The following CMIP variants were observed in gnomAD, a reference collection of about 807,000 sequenced individuals.
CMIP encodes the protein C-Maf-inducing protein.
CMIP carries 13 observed loss-of-function variants against 97.3 expected under a neutral mutation model. The observed-to-expected ratio is 0.13, with a 90% CI of 0.09 to 0.21. The LOEUF is 0.21. Ranked by LOEUF, CMIP falls within the 10% of genes least tolerant of loss-of-function variation. The probability of loss-of-function intolerance (pLI) is 1.00; values close to 1 mark genes in which losing one functional copy is unlikely to be tolerated. For synonymous variants in CMIP, 538 were observed against 436.3 expected, an observed-to-expected ratio of 1.23 and a Z score of -2.91; for missense variants, 847 against 1,024.9, an observed-to-expected ratio of 0.83 and a Z score of 2.37.
intron 6 of CMIP, among the ~76,000 whole-genome samples, chr16:81,663,472 T>C (rs939691403): frequency 2.7e-5 from 4 of 150,920 alleles, no homozygotes; most frequent in African/African-American, 7.3e-5. Flanking sequence ...TTGCCAGGGG[T>C]TGGGGAGAGG....
Position 81,512,318 on chromosome 16 carries a change from G to A in CMIP, c.300+66777G>A, listed in dbSNP as rs117206028. ...CTTGGTGGGGGTCTTTCTTGCTGTG[G>A]TTGATGGGCAGGTTCTGGTGCTGGC... is the stretch of plus-strand genomic sequence containing the variant. On this transcript the variant is annotated intron_variant, in intron 1 of 20. Transcript: ENST00000537098. Among the ~76,000 whole-genome samples, 59 of 152,228 alleles carry A rather than the reference G, an allele frequency of 3.9e-4. 1 individual carries two copies. The East Asian group carries it at 0.011, about 29-fold the overall frequency.
At chr16:81,528,263 G>C (rs534947488) in intron 1 of CMIP, among the ~76,000 whole-genome samples, 1 of 152,232 alleles carries the variant, frequency 6.6e-6, no homozygotes, top group East Asian at 1.9e-4. Context: ...CGCTTGTCTG[G>C]TCTTGGAGTG....
Position 81,472,072 on chromosome 16 carries a change from G to C in CMIP, c.300+26531G>C, listed in dbSNP as rs146995489. ...CATATGCACTCAATGTATATGCCGT[G>C]TACACACACACTCACGCACATGCAC... On this transcript the variant is annotated intron_variant, in intron 1 of 20. Transcript: ENST00000537098. Among the ~76,000 whole-genome samples the C allele has an allele frequency of 1.8e-3, 275 of 152,226 alleles. 1 individual carries two copies. The highest frequency in any genetic ancestry group is 6.1e-3 in the African/African-American group (255 of 41,510).
intron 1 of CMIP, among the ~76,000 whole-genome samples, chr16:81,535,657 C>A (rs756062494): frequency 6.6e-6 from 1 of 151,994 alleles, no homozygotes; most frequent in Non-Finnish European, 1.5e-5. Context: ...TTGATGTTGA[C>A]TTTTTGTAAG....
intron 1 of CMIP, among the ~76,000 whole-genome samples, chr16:81,584,139 T>C (rs1006855586): frequency 2.0e-5 from 3 of 152,020 alleles, no homozygotes; most frequent in Non-Finnish European, 4.4e-5. Context: ...TAGGCGTGGT[T>C]GCCACAAGCC....
At chr16:81,648,701 T>G (rs1188448310) in intron 3 of CMIP, among the ~76,000 whole-genome samples, 1 of 143,524 alleles carries the variant, frequency 7.0e-6, no homozygotes, top group Non-Finnish European at 1.5e-5. Context: ...GAGAATCACT[T>G]GAACCTGGGA....
Position 81,445,357 on chromosome 16 carries a change from C to T in CMIP, c.116C>T (p.Pro39Leu), listed in dbSNP as rs369568953. Residue 39 changes from proline to leucine, a missense_variant, in exon 1 of 21, where the codon CCC (proline) becomes CTC (leucine). Pro to Leu is a moderately conservative substitution (Grantham distance 98). This residue lies in a region of CMIP where 94 missense variants were observed against 79.9 expected (regional missense o/e 1.18). Coordinates refer to ENST00000537098, the MANE Select transcript of CMIP (RefSeq NM_198390.3). ...GAAGGCACGAAGATGGGCGCCGTGCCCTGCCGCCGGGCTCTTCTGCTTTGC... is the reference window on the plus strand; with the variant it reads ...GAAGGCACGAAGATGGGCGCCGTGCTCTGCCGCCGGGCTCTTCTGCTTTGC... ...APEGTKMGAVPCRRALLLCNG... is the reference protein window; with the variant it reads ...APEGTKMGAVLCRRALLLCNG... 6.2e-7 allele frequency: 1 copy of T among 1,602,128 alleles called. No homozygotes were observed. Among genetic ancestry groups the T allele is most frequent in the African/African-American group, 1.3e-5 (1 of 74,742 alleles).
chr16:81,660,372 A>T (rs1005483088), intron 5 of CMIP, among the ~76,000 whole-genome samples: 1 of 151,712 alleles, frequency 6.6e-6, no homozygotes, highest in South Asian at 2.1e-4. Context: ...TCCTAAGTTC[A>T]AGTGATTCTC....
rs531754646 is a variant in CMIP, at chr16:81,614,943, G to C, written c.427-5933G>C. On this transcript the variant is annotated intron_variant, in intron 2 of 20. Transcript: ENST00000537098. This position sits in a 1 kb window ranked among gnomAD's most constrained non-coding sequence, Gnocchi z 5.3. ...CATAGTGTGTATCTCTGTGTGTGGT[G>C]TGTGCATGTGTGTGGTGTGTTGTGT... 6.6e-6 allele frequency among the ~76,000 whole-genome samples: 1 copy of C among 151,598 alleles called. No homozygotes were observed. The highest frequency in any genetic ancestry group is 1.5e-5 in the Non-Finnish European group (1 of 67,870).
At chr16:81,699,927 C>A in intron 15 of CMIP, 126 bp downstream of exon 15, 1 of 634,292 alleles carries the variant, frequency 1.6e-6, no homozygotes, top group East Asian at 2.8e-5. Context: ...GGCGTGCAGT[C>A]CCAGCCGTCC....
chr16:81,659,387 C>G (rs1340919703), intron 5 of CMIP, among the ~76,000 whole-genome samples: 1 of 151,930 alleles, frequency 6.6e-6, no homozygotes, highest in Non-Finnish European at 1.5e-5. Context: ...AGGATAGGTA[C>G]TTAACCTCTG....
intron 1 of CMIP, among the ~76,000 whole-genome samples, chr16:81,502,311 A>G (rs2089627982): frequency 6.6e-6 from 1 of 152,234 alleles, no homozygotes; most frequent in Admixed American, 6.5e-5. Flanking sequence ...TTGTAGTCCT[A>G]GTAAAGTGAT....
At chr16:81,458,353 G>A (rs1274125140) in intron 1 of CMIP, among the ~76,000 whole-genome samples, 1 of 152,172 alleles carries the variant, frequency 6.6e-6, no homozygotes, top group Non-Finnish European at 1.5e-5. Context: ...AGGGGGGTAG[G>A]GGTCAGGGAG....
intron 1 of CMIP, among the ~76,000 whole-genome samples, chr16:81,481,880 C>CTTTTT (rs768919033): frequency 1.5e-5 from 2 of 136,602 alleles, no homozygotes; most frequent in African/African-American, 5.5e-5. Flanking sequence ...CCGCCTCCCT[C>CTTTTT]TTTTTTTTTT....
chr16:81,704,883 G>A (rs555725985), intron 18 of CMIP, among the ~76,000 whole-genome samples: 1 of 151,708 alleles, frequency 6.6e-6, no homozygotes, highest in South Asian at 2.1e-4. Flanking sequence ...AATGTGCCCA[G>A]TTCCGAGTCC....
At chr16:81,522,995 C>T (rs1407937062) in intron 1 of CMIP, among the ~76,000 whole-genome samples, 4 of 152,084 alleles carry the variant, frequency 2.6e-5, no homozygotes, top group African/African-American at 4.8e-5. Context: ...GGTTTGATCA[C>T]AGCTCACCGC....
intron 1 of CMIP, among the ~76,000 whole-genome samples, chr16:81,485,884 C>T (rs1455862609): frequency 6.6e-6 from 1 of 152,162 alleles, no homozygotes; most frequent in East Asian, 1.9e-4. Context: ...CTTGGACCAC[C>T]ATACTGTAGA....
chr16:81,613,617 G>C lies in CMIP; in HGVS notation c.426+5925G>C, dbSNP rs182531008. 2.8e-3 allele frequency among the ~76,000 whole-genome samples: 420 copies of C among 152,320 alleles called. 2 individuals are homozygous for C. The highest frequency in any genetic ancestry group is 4.2e-3 in the Non-Finnish European group (287 of 68,026). ...TGTAAAATACTTAGCACTGTGCCTG[G>C]TACTTAGTAGGTGTTCAAGAAAACA... is the stretch of plus-strand genomic sequence containing the variant. On this transcript the variant is annotated intron_variant, in intron 2 of 20. Coordinates refer to ENST00000537098, the MANE Select transcript of CMIP (RefSeq NM_198390.3).
intron 1 of CMIP, among the ~76,000 whole-genome samples, chr16:81,512,567 G>C (rs1330132265): frequency 1.3e-5 from 2 of 152,150 alleles, no homozygotes; most frequent in Admixed American, 1.3e-4. Flanking sequence ...AAAGGCAGCA[G>C]AAATGCTTCA....
Sources: gnomAD v4.1 joint callset for allele counts (sites outside exome capture counted in the v4.1 genomes callset) on GRCh38, gnomAD v4.1.1 for gene constraint, gnomAD v4.1.1 regional missense constraint, Gnocchi (gnomAD v3.1) non-coding constraint, MANE v1.5 for transcripts, NCBI Gene and HGNC (gene_info 2026-07-23, HGNC 2026-07-21) for gene names.